The following SPACA7 variants were observed in gnomAD, a reference collection of about 807,000 sequenced individuals.
The protein encoded by SPACA7 is sperm acrosome associated 7.
Under a neutral mutation model 26.3 loss-of-function variants are expected in SPACA7, and 19 were observed. The ratio of observed to expected loss-of-function variants is 0.72; its 90% CI spans 0.50 to 1.06. The LOEUF is 1.06. Among genes scored for constraint, SPACA7 ranks in the 50% least tolerant of loss-of-function variants. The pLI is 0.00. For missense variants in SPACA7, 211 were observed against 229.9 expected (o/e 0.92, Z 0.53); for synonymous variants, 84 against 84.5 (o/e 0.99, Z 0.04).
intron 1 of SPACA7, 121 bp from the exon 2 acceptor site, chr13:112,392,900 G>T: frequency 1.5e-6 from 1 of 679,868 alleles, no homozygotes; most frequent in Non-Finnish European, 2.4e-6. Context: ...ACTGGAACTT[G>T]GGCAGGGCTC....
In SPACA7 at chr13:112,432,495, T is replaced by C. The variant is rs766885509; in HGVS notation, c.497T>C (p.Ile166Thr). ...QYENLSILDQILQNIGRSSGN... is the reference protein window; with the variant it reads ...QYENLSILDQTLQNIGRSSGN... Reference sequence around the variant, plus strand: ...GAAAATCTATCCATTCTGGACCAAATCCTTCAAAATATTGGAAGATCTTCA... The same window carrying C: ...GAAAATCTATCCATTCTGGACCAAACCCTTCAAAATATTGGAAGATCTTCA... The change falls in exon 6 of 7, where the codon ATC (isoleucine) becomes ACC (threonine). Residue 166 changes from isoleucine to threonine, a missense_variant. Coordinates refer to ENST00000283550, the MANE Select transcript of SPACA7 (RefSeq NM_145248.5). 1 of 1,610,450 alleles carries C rather than the reference T, an allele frequency of 6.2e-7. No homozygotes were observed. Among genetic ancestry groups the C allele is most frequent in the Non-Finnish European group, 8.5e-7 (1 of 1,176,628 alleles).
chr13:112,396,338 G>C (rs1008703565), intron 2 of SPACA7, among the ~76,000 whole-genome samples: 3 of 152,144 alleles, frequency 2.0e-5, no homozygotes, highest in African/African-American at 7.2e-5. Context: ...TGCCCCAGGA[G>C]GGCTCACTTC....
At chr13:112,410,340 A>G (rs1451430416) in intron 5 of SPACA7, among the ~76,000 whole-genome samples, 1 of 152,058 alleles carries the variant, frequency 6.6e-6, no homozygotes, top group African/African-American at 2.4e-5. Flanking sequence ...TATTGTGCAC[A>G]TGTACCCTAG....
intron 5 of SPACA7, among the ~76,000 whole-genome samples, chr13:112,409,450 T>G (rs1886203691): frequency 6.6e-6 from 1 of 152,010 alleles, no homozygotes; most frequent in Non-Finnish European, 1.5e-5. Context: ...GGGAGAAAAT[T>G]TTTGCAATCT....
intron 3 of SPACA7, 47 bp from the exon 4 acceptor site, chr13:112,399,019 T>C (rs1566467716): frequency 9.5e-6 from 11 of 1,152,480 alleles, no homozygotes; most frequent in Non-Finnish European, 1.4e-5. Context: ...TATACCTGTG[T>C]AATCAAGAAA....
chr13:112,389,170 C>T (rs1300862663), intron 1 of SPACA7, among the ~76,000 whole-genome samples: 21 of 152,320 alleles, frequency 1.4e-4, no homozygotes, highest in Admixed American at 9.8e-4. Flanking sequence ...TTTGTTTATA[C>T]TATAAACTAT....
In SPACA7 at chr13:112,399,156, T is replaced by A. The variant is rs10816; in HGVS notation, c.332T>A (p.Val111Asp). ...TTACAATTCTCTCCTGGCATTGAGG[T>A]CAAAATTTCCAATGATGGTAAATGC... ...ENLQFSPGIEVKISNDEANAN... is the reference protein window; with the variant it reads ...ENLQFSPGIEDKISNDEANAN... Residue 111 changes from valine to aspartate, a missense_variant, in exon 4 of 7, where the codon GTC becomes GAC. Physicochemically the swap from Val to Asp is radical, Grantham distance 152. Coordinates refer to ENST00000283550, the MANE Select transcript of SPACA7 (RefSeq NM_145248.5). 975,035 of 1,582,976 alleles carry A rather than the reference T, an allele frequency of 0.62. 303,078 individuals carry two copies. Among genetic ancestry groups the A allele is most frequent in the African/African-American group, 0.78 (57,976 of 74,304 alleles).
chr13:112,388,351 G>A (rs1297694830), intron 1 of SPACA7, among the ~76,000 whole-genome samples: 1 of 152,114 alleles, frequency 6.6e-6, no homozygotes, highest in East Asian at 1.9e-4. Flanking sequence ...ACTACAGTGG[G>A]GCTACAGACA....
intron 5 of SPACA7, among the ~76,000 whole-genome samples, chr13:112,427,912 A>G (rs1488026457): frequency 2.6e-5 from 4 of 152,120 alleles, no homozygotes; most frequent in African/African-American, 7.2e-5. Context: ...AGTAATTTGT[A>G]TCTTTCTAAA....
rs869183760 is a variant in SPACA7 at position 112,414,388 on chromosome 13, C to CTTTTTTTTTTTTTTTTTTTTTTTT, written c.445+13241_445+13264dup. ...AAGTTTCTGAATGGCTTTTCTGTGT[C>CTTTTTTTTTTTTTTTTTTTTTTTT]TTTTTTTTTTTTTTTTTTTTTTTTT... On this transcript the variant is annotated intron_variant, in intron 5 of 6. Transcript: ENST00000283550. Among the ~76,000 whole-genome samples, 7 of 31,396 alleles carry CTTTTTTTTTTTTTTTTTTTTTTTT rather than the reference C, an allele frequency of 2.2e-4. 3 individuals carry two copies. Among genetic ancestry groups the CTTTTTTTTTTTTTTTTTTTTTTTT allele is most frequent in the Admixed American group, 5.1e-4 (1 of 1,980 alleles). The allele number at this position is 31,396 out of a possible 152,430, so 20.6% of individuals were successfully genotyped here.
chr13:112,421,225 C>CAAAA (rs59236283), intron 5 of SPACA7, among the ~76,000 whole-genome samples: 7,336 of 86,466 alleles, frequency 0.085, 485 homozygotes, highest in East Asian at 0.24. Flanking sequence ...AAGAAACATG[C>CAAAA]AAAAAAAAAA....
chr13:112,420,534 A>T (rs201595805), intron 5 of SPACA7, among the ~76,000 whole-genome samples: 1 of 18,978 alleles, frequency 5.3e-5, no homozygotes, highest in African/African-American at 4.6e-4. Context: ...ACATAAAGGG[A>T]AAAAAAAGAA....
chr13:112,423,164 G>A (rs1876161651), intron 5 of SPACA7, among the ~76,000 whole-genome samples: 1 of 152,016 alleles, frequency 6.6e-6, no homozygotes, highest in Non-Finnish European at 1.5e-5. Flanking sequence ...GATATTTCAT[G>A]GTAAAGGTAT....
chr13:112,415,504 A>G (rs987948940), intron 5 of SPACA7, among the ~76,000 whole-genome samples: 1 of 152,130 alleles, frequency 6.6e-6, no homozygotes, highest in African/African-American at 2.4e-5. Context: ...CAGGAGCTTC[A>G]GGGTTCTTCC....
At chr13:112,417,649 G>A (rs1426071751) in intron 5 of SPACA7, among the ~76,000 whole-genome samples, 1 of 152,162 alleles carries the variant, frequency 6.6e-6, no homozygotes, top group East Asian at 1.9e-4. Context: ...ATTCACATGT[G>A]CTTTTTAAGT....
intron 5 of SPACA7, among the ~76,000 whole-genome samples, chr13:112,424,589 A>C (rs1876342472): frequency 6.6e-6 from 1 of 152,184 alleles, no homozygotes; most frequent in Non-Finnish European, 1.5e-5. Flanking sequence ...AGGGTTAAAG[A>C]AATGGAGTCT....
intron 1 of SPACA7, among the ~76,000 whole-genome samples, chr13:112,390,978 G>T (rs1333161055): frequency 6.6e-6 from 1 of 152,194 alleles, no homozygotes; most frequent in Non-Finnish European, 1.5e-5. Flanking sequence ...GGAATGCTGG[G>T]GGTGCTGCAC....
intron 5 of SPACA7, among the ~76,000 whole-genome samples, chr13:112,407,589 C>A (rs914781710): frequency 1.3e-5 from 2 of 152,132 alleles, no homozygotes; most frequent in African/African-American, 4.8e-5. Context: ...ACTCTAAACA[C>A]CTCTACGCAA....
intron 5 of SPACA7, among the ~76,000 whole-genome samples, chr13:112,425,565 A>G (rs897626876): frequency 1.3e-5 from 2 of 152,212 alleles, no homozygotes; most frequent in Admixed American, 6.5e-5. Flanking sequence ...GAAGAACAGA[A>G]TAAAGACAGA....
Sources: gnomAD v4.1 joint callset for allele counts (sites outside exome capture counted in the v4.1 genomes callset) on GRCh38, gnomAD v4.1.1 for gene constraint, MANE v1.5 for transcripts, NCBI Gene and HGNC (gene_info 2026-07-23, HGNC 2026-07-21) for gene names.